Variants in SLC66A2 observed in about 807,000 individuals in gnomAD.
SLC66A2 encodes solute carrier family 66 member 2, also known as PQ loop repeat containing 1.
SLC66A2 carries 23 observed loss-of-function variants against 25.5 expected under a neutral mutation model. That is an observed-to-expected ratio of 0.90 (90% confidence interval 0.65 to 1.28). The LOEUF is 1.28. SLC66A2 is among the 50% of genes most tolerant of loss of function. The probability of loss-of-function intolerance (pLI) is 0.00; values close to 1 mark genes in which losing one functional copy is unlikely to be tolerated. For synonymous variants in SLC66A2, 193 were observed against 166.5 expected (o/e 1.16, Z -1.23); for missense variants, 396 against 373.1 (o/e 1.06, Z -0.51).
chr18:79,903,826 A>T lies in SLC66A2; in HGVS notation c.*150T>A. On this transcript the variant is annotated 3_prime_UTR_variant, in exon 6 of 6. Transcript: ENST00000397778. ...AGCCCCACCCCCACTGCCCACCCTG[A>T]GACACCCCACAGAGGCTGATGGAGA... 5 of 592,934 alleles carry T rather than the reference A, an allele frequency of 8.4e-6. No homozygotes were observed. The highest frequency in any genetic ancestry group is 1.4e-5 in the Non-Finnish European group (5 of 348,880). The allele number at this position is 592,934 out of a possible 1,614,324, so 36.7% of individuals were successfully genotyped here. A position where few individuals can be genotyped will look rare whatever the true frequency, so the allele number is the denominator to read the frequency against.
At position 79,903,977 on chromosome 18, in the gene SLC66A2, C is replaced by T; in HGVS notation, c.815G>A (p.Ter272=). 6.3e-7 allele frequency: 1 copy of T among 1,599,002 alleles called. No individual in the cohort carries two copies. The highest frequency in any genetic ancestry group is 8.5e-7 in the Non-Finnish European group (1 of 1,174,508). Residue 272 remains the stop codon, a stop_retained_variant, in exon 6 of 6, where the codon TGA becomes TAA. Transcript: ENST00000397778. Reference sequence around the variant, plus strand: ...CCCACATCCTCGTCCTCCCCACTGTCAGAGGGCCTTGGTGCCAGTGGGGTG... The same window carrying T: ...CCCACATCCTCGTCCTCCCCACTGTTAGAGGGCCTTGGTGCCAGTGGGGTG... ...AVHPTGTKAL[*] is the part of the protein sequence containing the mutation.
At chr18:79,931,995 T>G (rs1986615384) in intron 4 of SLC66A2, among the ~76,000 whole-genome samples, 1 of 152,158 alleles carries the variant, frequency 6.6e-6, no homozygotes, top group Non-Finnish European at 1.5e-5. Context: ...CAGAGCAAGA[T>G]TCTGTCTCCA....
At chr18:79,943,650 C>T in intron 2 of SLC66A2, 188 bp from the exon 3 acceptor site, 1 of 610,064 alleles carries the variant, frequency 1.6e-6, no homozygotes, top group Non-Finnish European at 2.8e-6. Flanking sequence ...CCCGAACCTG[C>T]AGCGGGAGAC....
At chr18:79,909,601 C>A (rs1982655861) in intron 5 of SLC66A2, among the ~76,000 whole-genome samples, 2 of 108,364 alleles carry the variant, frequency 1.8e-5, no homozygotes, top group Non-Finnish European at 4.0e-5. Context: ...AGTCTCCAAC[C>A]TTCCCCAGCA....
rs1290330532 is a variant in SLC66A2, at chr18:79,904,193, C to T, written c.609-10G>A. On this transcript the variant is annotated splice_polypyrimidine_tract_variant and intron_variant, in intron 5 of 5. Coordinates refer to ENST00000397778, the MANE Select transcript of SLC66A2 (RefSeq NM_025078.5). This position sits in a 1 kb window ranked among gnomAD's most constrained non-coding sequence, Gnocchi z 6.3. ...GAGCACCATCTTGATGCTGTGGAGA[C>T]ACAAGCAGGCGGTCAGCGGTGGGGA... The T allele has an allele frequency of 1.2e-6, 2 of 1,612,152 alleles. No homozygotes were observed. The highest frequency in any genetic ancestry group is 2.2e-5 in the South Asian group (2 of 91,058).
intron 4 of SLC66A2, among the ~76,000 whole-genome samples, chr18:79,931,078 C>T (rs1468026538): frequency 6.6e-6 from 1 of 151,956 alleles, no homozygotes; most frequent in African/African-American, 2.4e-5. Flanking sequence ...ATTCAGAAAA[C>T]ATTATTTAAA....
At chr18:79,936,108 C>T (rs1483026274) in intron 3 of SLC66A2, among the ~76,000 whole-genome samples, 1 of 152,228 alleles carries the variant, frequency 6.6e-6, no homozygotes, top group Non-Finnish European at 1.5e-5. Context: ...GTCCATGTCA[C>T]GACTGGAGAC....
At chr18:79,910,707 C>T (rs758120182) in intron 5 of SLC66A2, among the ~76,000 whole-genome samples, 28 of 152,338 alleles carry the variant, frequency 1.8e-4, no homozygotes, top group African/African-American at 5.3e-4. Flanking sequence ...CGTGGCACCC[C>T]GGAGAATCTG....
At position 79,927,955 on chromosome 18, in the gene SLC66A2, G is replaced by C. The variant is rs1986166186; in HGVS notation, c.391+6014C>G. 6.6e-6 allele frequency among the ~76,000 whole-genome samples: 1 copy of C among 152,204 alleles called. No homozygotes were observed. Among genetic ancestry groups the C allele is most frequent in the African/African-American group, 2.4e-5 (1 of 41,452 alleles). The stretch of plus-strand genomic sequence containing the variant: ...GGGAGAATGGCCTTGCCTGCTCTCA[G>C]CCTCCTCTCATCTTCAGGAGCCTTT... On this transcript the variant is annotated intron_variant, in intron 4 of 5. Coordinates refer to ENST00000397778, the MANE Select transcript of SLC66A2 (RefSeq NM_025078.5). The surrounding 1 kb of genome is among the most constrained non-coding windows in gnomAD (Gnocchi z 6.2).
At chr18:79,910,228 A>C (rs1200643576) in intron 5 of SLC66A2, among the ~76,000 whole-genome samples, 1 of 69,298 alleles carries the variant, frequency 1.4e-5, no homozygotes, top group Non-Finnish European at 2.7e-5. Flanking sequence ...CCTTCCCCAC[A>C]TCCTCACCAT....
intron 4 of SLC66A2, among the ~76,000 whole-genome samples, chr18:79,930,541 T>C (rs1986463951): frequency 6.6e-6 from 1 of 152,198 alleles, no homozygotes; most frequent in South Asian, 2.1e-4. Flanking sequence ...TAAGTTATTA[T>C]AAAAGATGAT....
chr18:79,930,760 A>G (rs1040615504), intron 4 of SLC66A2, among the ~76,000 whole-genome samples: 5 of 152,208 alleles, frequency 3.3e-5, no homozygotes, highest in Admixed American at 2.0e-4. Context: ...AAAGAAATGA[A>G]AGGAACCACA....
Position 79,927,253 on chromosome 18 carries a change from A to G in SLC66A2, c.391+6716T>C, listed in dbSNP as rs148275357. Among the ~76,000 whole-genome samples the G allele has an allele frequency of 9.0e-3, 1,362 of 151,556 alleles. 17 individuals carry two copies. Among genetic ancestry groups the G allele is most frequent in the South Asian group, 0.045 (217 of 4,800 alleles). ...GGAGCTGCAGGCAGGGCTCAGCAGGACCCCAGGCGGGCACACAGGGGCTCA... is the reference window on the plus strand; with the variant it reads ...GGAGCTGCAGGCAGGGCTCAGCAGGGCCCCAGGCGGGCACACAGGGGCTCA... On this transcript the variant is annotated intron_variant, in intron 4 of 5. Transcript: ENST00000397778. The surrounding 1 kb of genome is among the most constrained non-coding windows in gnomAD (Gnocchi z 6.2).
At position 79,908,319 on chromosome 18, in the gene SLC66A2, T is replaced by A. The variant is rs889017922; in HGVS notation, c.609-4136A>T. Reference sequence around the variant, plus strand: ...TATTTTGCCTTGATTCCTAAAGGAATTTTTTTTTTTTTCCTGAATATAGAA... The same window carrying A: ...TATTTTGCCTTGATTCCTAAAGGAAATTTTTTTTTTTTCCTGAATATAGAA... On this transcript the variant is annotated intron_variant, in intron 5 of 5. Transcript: ENST00000397778. 1.0e-4 allele frequency among the ~76,000 whole-genome samples: 8 copies of A among 79,530 alleles called. No homozygotes were observed. The East Asian group carries it at 2.4e-3, about 23-fold the overall frequency. 52.2% of individuals were successfully genotyped at this position (79,530 alleles called of 152,430 possible).
chr18:79,923,238 G>A (rs1299505548), intron 4 of SLC66A2, among the ~76,000 whole-genome samples: 1 of 122,896 alleles, frequency 8.1e-6, no homozygotes, highest in South Asian at 3.6e-4. Context: ...GATGGGGGGG[G>A]GCCGTGGACG....
intron 4 of SLC66A2, among the ~76,000 whole-genome samples, chr18:79,933,466 C>T (rs1356561697): frequency 6.6e-6 from 1 of 152,178 alleles, no homozygotes; most frequent in African/African-American, 2.4e-5. Context: ...AGAATTAAAA[C>T]TATATTTGCA....
intron 2 of SLC66A2, among the ~76,000 whole-genome samples, chr18:79,947,668 C>G (rs546734313): frequency 1.7e-3 from 50 of 30,298 alleles, no homozygotes; most frequent in African/African-American, 3.7e-3. Flanking sequence ...CCCACCACCC[C>G]CAACCCAAAC....
intron 5 of SLC66A2, among the ~76,000 whole-genome samples, chr18:79,907,429 GC>G (rs1451850136): frequency 1.5e-5 from 2 of 136,546 alleles, no homozygotes; most frequent in Non-Finnish European, 3.0e-5. Flanking sequence ...TCAGCTCACT[GC>G]AAGCTCCGCC....
intron 2 of SLC66A2, chr18:79,947,325 C>G (rs1256285405): frequency 2.0e-5 from 3 of 152,242 alleles, no homozygotes; most frequent in Non-Finnish European, 4.4e-5. Flanking sequence ...GCTGGTTTTG[C>G]AAAATGGTAG....
Sources: gnomAD v4.1 joint callset for allele counts (sites outside exome capture counted in the v4.1 genomes callset) on GRCh38, gnomAD v4.1.1 for gene constraint, Gnocchi (gnomAD v3.1) non-coding constraint, MANE v1.5 for transcripts, NCBI Gene and HGNC (gene_info 2026-07-23, HGNC 2026-07-21) for gene names.